Variants in ARHGAP17 observed in about 807,000 individuals in gnomAD.
The protein encoded by ARHGAP17 is rho GTPase-activating protein 17.
In ARHGAP17, 57 loss-of-function variants were observed where a neutral mutation model predicts 99.5. That is an observed-to-expected ratio of 0.57 (90% CI 0.46 to 0.71). The LOEUF (loss-of-function observed/expected upper bound fraction) is 0.71. Among genes scored for constraint, ARHGAP17 ranks in the 30% least tolerant of loss-of-function variants. The probability of loss-of-function intolerance (pLI) is 0.00; values close to 1 mark genes in which losing one functional copy is unlikely to be tolerated. For synonymous variants in ARHGAP17, 417 were observed against 429.6 expected (o/e 0.97, Z 0.36); for missense variants, 1,000 against 1,122.4 (o/e 0.89, Z 1.56).
intron 1 of ARHGAP17, among the ~76,000 whole-genome samples, chr16:25,000,645 A>G (rs181443610): frequency 6.6e-6 from 1 of 152,238 alleles, no homozygotes; most frequent in Non-Finnish European, 1.5e-5. Context: ...CCTGAGATTC[A>G]GAGGCTACAA....
chr16:24,923,209 C>T (rs79163451), intron 19 of ARHGAP17, among the ~76,000 whole-genome samples: 5,003 of 152,288 alleles, frequency 0.033, 276 homozygotes, highest in African/African-American at 0.11. Context: ...ATTTTCCCTC[C>T]TCCCCAGAGG....
chr16:24,937,128 ACAAC>A (rs2051163629), intron 17 of ARHGAP17, among the ~76,000 whole-genome samples: 6 of 148,416 alleles, frequency 4.0e-5, no homozygotes, highest in African/African-American at 1.0e-4. Context: ...AAAAAAAAAA[ACAAC>A]AAAAAACAGG....
intron 19 of ARHGAP17, among the ~76,000 whole-genome samples, chr16:24,924,945 T>C (rs1049904571): frequency 6.6e-6 from 1 of 152,292 alleles, no homozygotes; most frequent in African/African-American, 2.4e-5. Context: ...TACAATGTAA[T>C]ACCTGTCATA....
intron 19 of ARHGAP17, chr16:24,929,599 G>A (rs1002978148): frequency 5.1e-6 from 5 of 987,730 alleles, no homozygotes; most frequent in Admixed American, 1.2e-4. Flanking sequence ...AAGCTGCTCG[G>A]GGCCATTACA....
intron 1 of ARHGAP17, among the ~76,000 whole-genome samples, chr16:25,007,859 T>C (rs1321318002): frequency 1.3e-5 from 2 of 152,144 alleles, no homozygotes; most frequent in Non-Finnish European, 2.9e-5. Context: ...AAATGGAAGA[T>C]GTAGCTTCAC....
intron 16 of ARHGAP17, 192 bp downstream of exon 16, chr16:24,941,795 G>T: frequency 1.4e-6 from 1 of 693,554 alleles, no homozygotes; most frequent in Non-Finnish European, 2.4e-6. Flanking sequence ...TAACTGAGAA[G>T]CTACACACTG....
At chr16:24,982,978 ATATATATATATATATATATTTTTTT>A (rs1430915034) in intron 1 of ARHGAP17, among the ~76,000 whole-genome samples, 15 of 20,456 alleles carry the variant, frequency 7.3e-4, no homozygotes, top group African/African-American at 2.6e-3. Flanking sequence ...ATATATATAT[ATATATATATATATATATATTTTTTT>A]TTTTTTTTTT....
intron 6 of ARHGAP17, among the ~76,000 whole-genome samples, chr16:24,965,797 G>A (rs927487361): frequency 2.0e-5 from 3 of 152,212 alleles, no homozygotes; most frequent in Non-Finnish European, 2.9e-5. Flanking sequence ...CTGCCTTGTG[G>A]AACTGTCATA....
At chr16:24,964,937 A>G (rs534272305) in intron 6 of ARHGAP17, among the ~76,000 whole-genome samples, 1 of 152,112 alleles carries the variant, frequency 6.6e-6, no homozygotes, top group South Asian at 2.1e-4. Context: ...ACAAGACTCC[A>G]TGTCTACAAA....
chr16:24,968,742 C>A lies in ARHGAP17; in HGVS notation c.303G>T (p.Glu101Asp). 6.2e-7 allele frequency: 1 copy of A among 1,614,214 alleles called. No homozygotes were observed. ...GKMLETCGDA[E>D]NQLALELSQH... ...GGGAGAGCTCGAGAGCCAGCTGATT[C>A]TCAGCATCTCCACACGTCTCCAGCA... The change falls in exon 5 of 20, where the codon GAG (glutamate) becomes GAT (aspartate). Residue 101 changes from glutamate to aspartate, a missense_variant. By Grantham distance (45) the Glu-to-Asp change is conservative. This residue lies in a region of ARHGAP17 where 472 missense variants were observed against 611.1 expected (regional missense o/e 0.77). Transcript: ENST00000289968.
At chr16:24,934,538 C>CGACCTCCTGGGCTCAAGTG (rs1000632546) in intron 18 of ARHGAP17, among the ~76,000 whole-genome samples, 1 of 152,028 alleles carries the variant, frequency 6.6e-6, no homozygotes. Flanking sequence ...ACTGCAGGCT[C>CGACCTCCTGGGCTCAAGTG]GACCTCCTGG....
chr16:25,015,368 T>C lies in ARHGAP17; in HGVS notation c.-107A>G, dbSNP rs2053760966. ...GCCCAAACGGCGGCGCGGCGGTGGCTCCCCGGGCCGGCGGCCCCGCCCTCG... is the reference window on the plus strand; with the variant it reads ...GCCCAAACGGCGGCGCGGCGGTGGCCCCCCGGGCCGGCGGCCCCGCCCTCG... On this transcript the variant is annotated 5_prime_UTR_variant, in exon 1 of 20. Coordinates refer to ENST00000289968, the MANE Select transcript of ARHGAP17 (RefSeq NM_001006634.3). 2 of 1,052,312 alleles carry C rather than the reference T, an allele frequency of 1.9e-6. No homozygotes were observed. Among genetic ancestry groups the C allele is most frequent in the African/African-American group, 1.7e-5 (1 of 59,286 alleles). 65.2% of individuals were successfully genotyped at this position (1,052,312 alleles called of 1,614,324 possible).
At chr16:24,946,123 T>C (rs1251410599) in intron 14 of ARHGAP17, among the ~76,000 whole-genome samples, 1 of 152,084 alleles carries the variant, frequency 6.6e-6, no homozygotes, top group African/African-American at 2.4e-5. Flanking sequence ...CCCCGACCCC[T>C]CCTCTATTCA....
In ARHGAP17 at chr16:24,964,290, T is replaced by C. The variant is rs2052104285; in HGVS notation, c.480A>G (p.Lys160=). 6.2e-7 allele frequency: 1 copy of C among 1,613,568 alleles called. No homozygotes were observed. The highest frequency in any genetic ancestry group is 1.1e-5 in the South Asian group (1 of 91,018). The change falls in exon 7 of 20, where the codon AAA becomes AAG. Residue 160 remains lysine (K), a synonymous_variant. Transcript: ENST00000289968. ...GCCCCTGAAAGTTGGTTCCTGAGGA[T>C]TTGTGAGCTTGGTTCCACCTGCAAA... ...SVRARWNQAH[K]SSGTNFQGLP...
intron 14 of ARHGAP17, among the ~76,000 whole-genome samples, chr16:24,946,613 C>T (rs2051481393): frequency 6.6e-6 from 1 of 151,928 alleles, no homozygotes; most frequent in Admixed American, 6.6e-5. Context: ...AAGAGGGCTC[C>T]GACCTTCCTT....
intron 5 of ARHGAP17, 47 bp from the exon 6 acceptor site, chr16:24,968,474 G>C: frequency 6.2e-7 from 1 of 1,605,064 alleles, no homozygotes; most frequent in Non-Finnish European, 8.5e-7. Context: ...GGGCTTTTAG[G>C]TTAACCATTT....
chr16:25,005,907 C>T (rs866518916), intron 1 of ARHGAP17, among the ~76,000 whole-genome samples: 5 of 152,132 alleles, frequency 3.3e-5, no homozygotes, highest in South Asian at 2.1e-4. Context: ...AACTAAATGA[C>T]GGCATTATCA....
intron 1 of ARHGAP17, among the ~76,000 whole-genome samples, chr16:25,014,663 G>A (rs1567278426): frequency 6.6e-6 from 1 of 152,224 alleles, no homozygotes; most frequent in Admixed American, 6.5e-5. Context: ...CTCAAAGGGC[G>A]TTCTGAACTC....
At chr16:24,930,622 C>T (rs909499617) in intron 19 of ARHGAP17, 162 bp downstream of exon 19, 7 of 1,201,634 alleles carry the variant, frequency 5.8e-6, no homozygotes, top group Middle Eastern at 1.9e-4. Flanking sequence ...AGCTGTGTTC[C>T]AATAAAACTT....
Sources: allele counts gnomAD v4.1 joint callset (sites outside exome capture counted in the v4.1 genomes callset), GRCh38; gene constraint gnomAD v4.1.1; regional missense constraint gnomAD v4.1.1; transcripts MANE v1.5; gene names NCBI Gene and HGNC (gene_info 2026-07-23, HGNC 2026-07-21).